The following MYO1H variants were observed in gnomAD, a reference collection of about 807,000 sequenced individuals.
MYO1H encodes myosin IH, also known as unconventional myosin-Ih.
MYO1H carries 118 observed loss-of-function variants against 149.3 expected under a neutral mutation model. The observed-to-expected ratio is 0.79, with a 90% CI of 0.68 to 0.92. The LOEUF is 0.92. Among genes scored for constraint, MYO1H ranks in the 40% least tolerant of loss-of-function variants. The pLI, the probability that MYO1H is intolerant of heterozygous loss-of-function variation, is 0.00. For synonymous variants in MYO1H, 447 were observed against 465.2 expected, an observed-to-expected ratio of 0.96 and a Z score of 0.50; for missense variants, 1,212 against 1,280.7, an observed-to-expected ratio of 0.95 and a Z score of 0.82.
chr12:109,427,905 A>ACATATAT (rs1468068234), intron 19 of MYO1H, among the ~76,000 whole-genome samples: 2 of 33,614 alleles, frequency 5.9e-5, no homozygotes, highest in African/African-American at 2.2e-4. Flanking sequence ...AAAAAAAAAA[A>ACATATAT]AAAAATATAT....
chr12:109,438,562 G>C, exon 23 of MYO1H: 1 of 1,613,436 alleles, frequency 6.2e-7, no homozygotes, highest in Non-Finnish European at 8.5e-7. Context: ...CCACTGGCGT[G>C]GGGCCCTGGC....
chr12:109,424,252 G>A (rs751724327), intron 16 of MYO1H, among the ~76,000 whole-genome samples: 74 of 152,074 alleles, frequency 4.9e-4, no homozygotes, highest in Middle Eastern at 3.4e-3. Context: ...CCTCGACTTC[G>A]TGGGCTCAAG....
exon 7 of MYO1H, chr12:109,404,064 C>T: frequency 6.2e-7 from 1 of 1,613,316 alleles, no homozygotes; most frequent in Non-Finnish European, 8.5e-7. Context: ...ATTGATTTTA[C>T]TGAAGCTGAC....
chr12:109,390,717 T>G (rs1042843676), intron 2 of MYO1H, among the ~76,000 whole-genome samples: 1 of 151,710 alleles, frequency 6.6e-6, no homozygotes, highest in African/African-American at 2.4e-5. Flanking sequence ...CAGGCTGGGG[T>G]GCAGTGGCCC....
At chr12:109,394,318 A>T (rs1370899598) in intron 3 of MYO1H, among the ~76,000 whole-genome samples, 1 of 152,192 alleles carries the variant, frequency 6.6e-6, no homozygotes, top group African/African-American at 2.4e-5. Context: ...GGACTGAAAT[A>T]AAAATTTGCA....
At chr12:109,367,570 G>A (rs762614688) in intron 1 of MYO1H, among the ~76,000 whole-genome samples, 3 of 151,266 alleles carry the variant, frequency 2.0e-5, no homozygotes, top group South Asian at 2.1e-4. Context: ...TACTTATTTC[G>A]AGACAGAGTC....
chr12:109,318,343 C>T, the MYO1H span, among the ~76,000 whole-genome samples: 1 of 151,868 alleles, frequency 6.6e-6, no homozygotes, highest in Admixed American at 6.6e-5. Flanking sequence ...GCTCCTTCCC[C>T]TAGGAGGTAG....
intron 1 of MYO1H, among the ~76,000 whole-genome samples, chr12:109,349,668 AAAAAAAAAGAGGCC>A (rs1033637078): frequency 4.0e-5 from 6 of 151,732 alleles, no homozygotes; most frequent in African/African-American, 1.5e-4. Context: ...CAAAAAAAAA[AAAAAAAAAGAGGCC>A]GGGTGCGGTG....
the MYO1H span, among the ~76,000 whole-genome samples, chr12:109,310,749 G>C: frequency 6.6e-6 from 1 of 152,156 alleles, no homozygotes; most frequent in African/African-American, 2.4e-5. Context: ...ATGGTTTTCT[G>C]GTAGCACCTG....
chr12:109,396,531 G>A (rs750464699), exon 4 of MYO1H: 2 of 1,613,934 alleles, frequency 1.2e-6, no homozygotes, highest in Non-Finnish European at 1.7e-6. Flanking sequence ...CAATGACCCA[G>A]TCACTACAAA....
chr12:109,397,239 A>C (rs1316042680), intron 4 of MYO1H, among the ~76,000 whole-genome samples: 1 of 152,196 alleles, frequency 6.6e-6, no homozygotes, highest in African/African-American at 2.4e-5. Context: ...TATTGAGTTA[A>C]AATTATTTTG....
At chr12:109,402,424 C>A (rs887177572) in intron 6 of MYO1H, among the ~76,000 whole-genome samples, 1 of 152,158 alleles carries the variant, frequency 6.6e-6, no homozygotes, top group Non-Finnish European at 1.5e-5. Flanking sequence ...AGGATCAACA[C>A]TTTCTAGAAA....
At chr12:109,327,334 C>T in the MYO1H span, among the ~76,000 whole-genome samples, 4 of 151,296 alleles carry the variant, frequency 2.6e-5, no homozygotes, top group East Asian at 6.0e-4. Flanking sequence ...GGGGTTTTAC[C>T]ATCTTGGCCA....
chr12:109,446,730 C>T (rs1872497270), intron 31 of MYO1H, among the ~76,000 whole-genome samples: 1 of 152,196 alleles, frequency 6.6e-6, no homozygotes, highest in Non-Finnish European at 1.5e-5. Flanking sequence ...CACCACTACA[C>T]TCCAGCCTGG....
At chr12:109,397,696 G>A (rs752991107) in intron 4 of MYO1H, 36 bp from the exon 5 acceptor site, 29 of 1,567,232 alleles carry the variant, frequency 1.9e-5, no homozygotes, top group Non-Finnish European at 2.4e-5. Context: ...CGCATGGTGA[G>A]CTTAAATGAC....
At chr12:109,433,754 TAGTC>T (rs72650169) in intron 20 of MYO1H, among the ~76,000 whole-genome samples, 15,859 of 152,134 alleles carry the variant, frequency 0.1, 1,106 homozygotes, top group African/African-American at 0.19. Flanking sequence ...ATCAGTTACT[TAGTC>T]AGTCCAGATC....
At chr12:109,366,274 A>G (rs987393944) in intron 1 of MYO1H, among the ~76,000 whole-genome samples, 1 of 152,204 alleles carries the variant, frequency 6.6e-6, no homozygotes, top group Admixed American at 6.5e-5. Flanking sequence ...CTGTGTACCA[A>G]TGTCCCATTA....
chr12:109,318,972 G>GTTTTTTTTTTTTTTTTTTTTT, the MYO1H span, among the ~76,000 whole-genome samples: 13 of 77,266 alleles, frequency 1.7e-4, no homozygotes, highest in East Asian at 2.1e-3. Context: ...TTTTGGTTTT[G>GTTTTTTTTTTTTTTTTTTTTT]TTTTTTTTTT....
chr12:109,339,894 G>A, the MYO1H span, among the ~76,000 whole-genome samples: 1 of 152,262 alleles, frequency 6.6e-6, no homozygotes, highest in Admixed American at 6.5e-5. Flanking sequence ...TTGATGTAAG[G>A]CATTATGACA....
Sources: allele counts gnomAD v4.1 joint callset (sites outside exome capture counted in the v4.1 genomes callset), GRCh38; gene constraint gnomAD v4.1.1; transcripts MANE v1.5; gene names NCBI Gene and HGNC (gene_info 2026-07-23, HGNC 2026-07-21).